Variants in COG7 observed in about 807,000 individuals in gnomAD.
COG7 encodes component of oligomeric golgi complex 7.
In COG7, 49 loss-of-function variants were observed where a neutral mutation model predicts 91.5. That is an observed-to-expected ratio of 0.54 (90% CI 0.43 to 0.68). The LOEUF (loss-of-function observed/expected upper bound fraction) is 0.68. Among genes scored for constraint, COG7 ranks in the 30% least tolerant of loss-of-function variants. COG7 has a pLI of 0.00. For missense variants in COG7, 895 were observed against 961.3 expected (o/e 0.93, Z 0.91); for synonymous variants, 365 against 388.7 (o/e 0.94, Z 0.72).
At chr16:23,426,249 T>C (rs1384077630) in intron 6 of COG7, among the ~76,000 whole-genome samples, 1 of 152,078 alleles carries the variant, frequency 6.6e-6, no homozygotes, top group African/African-American at 2.4e-5. Flanking sequence ...AGAAGAACTG[T>C]AAACCAACAT....
intron 7 of COG7, among the ~76,000 whole-genome samples, chr16:23,423,175 G>A (rs962903354): frequency 5.3e-5 from 8 of 151,778 alleles, no homozygotes; most frequent in Non-Finnish European, 2.9e-5. Flanking sequence ...AGACCAGCCT[G>A]GCCAACATGG....
At chr16:23,410,431 T>A in intron 10 of COG7, 71 bp from the exon 11 acceptor site, 2 of 1,307,916 alleles carry the variant, frequency 1.5e-6, no homozygotes, top group Non-Finnish European at 2.2e-6. Flanking sequence ...AACATTGTCT[T>A]ATTCATAAAA....
In COG7 at chr16:23,418,714, T is replaced by TCATCTGGATGAGGAGGTTGCTC. The variant is rs1567337418; in HGVS notation, c.1101_1122dup (p.Ser375GlufsTer19). ...TGCGACTTTACCAGAGGCACAGCACTCATCTGGATGAGGAGGTTGCTCTCT... is the reference window on the plus strand; with the variant it reads ...TGCGACTTTACCAGAGGCACAGCACTCATCTGGATGAGGAGGTTGCTCCATCTGGATGAGGAGGTTGCTCTCT... On this transcript the variant is annotated frameshift_variant, in exon 8 of 17. Transcript: ENST00000307149. LOFTEE classifies it high-confidence loss of function. The TCATCTGGATGAGGAGGTTGCTC allele has an allele frequency of 6.2e-7, 1 of 1,613,730 alleles. No homozygotes were observed. The highest frequency in any genetic ancestry group is 1.7e-5 in the Admixed American group (1 of 60,004).
At chr16:23,403,189 G>A (rs1437420132) in intron 13 of COG7, among the ~76,000 whole-genome samples, 1 of 152,172 alleles carries the variant, frequency 6.6e-6, no homozygotes, top group Non-Finnish European at 1.5e-5. Context: ...AAAGGAAAGT[G>A]AGTCGATTCT....
chr16:23,406,252 T>G lies in COG7; in HGVS notation c.1486A>C (p.Thr496Pro). ...GAATCAGATAGATACTTCCCAGCTG[T>G]GGACAAAATCCTGTAATGAAAGGAA... The part of the protein sequence containing the change: ...EQQLANRILS[T>P]AGKYLSDSCS... Residue 496 changes from threonine (T) to proline (P), a missense_variant, in exon 12 of 17, where the codon ACA becomes CCA. By Grantham distance (38) the Thr-to-Pro change is conservative. Transcript: ENST00000307149. 1 of 1,614,044 alleles carries G rather than the reference T, an allele frequency of 6.2e-7. No individual in the cohort carries two copies. Among genetic ancestry groups the G allele is most frequent in the South Asian group, 1.1e-5 (1 of 91,076 alleles).
At chr16:23,451,696 G>T (rs1596963224) in intron 1 of COG7, among the ~76,000 whole-genome samples, 2 of 146,866 alleles carry the variant, frequency 1.4e-5, no homozygotes, top group African/African-American at 5.1e-5. Flanking sequence ...TCCAGCTTGG[G>T]CAGCAGAATG....
chr16:23,388,881 G>A lies in COG7; in HGVS notation c.*39C>T. 1 of 1,613,146 alleles carries A rather than the reference G, an allele frequency of 6.2e-7. No individual in the cohort carries two copies. The highest frequency in any genetic ancestry group is 8.5e-7 in the Non-Finnish European group (1 of 1,179,726). ...ATCTGTGCTGGTGAGTCGCGAAACAGCAGCCCTGGCTCTCTTGGTGGTCCG... is the reference window on the plus strand; with the variant it reads ...ATCTGTGCTGGTGAGTCGCGAAACAACAGCCCTGGCTCTCTTGGTGGTCCG... On this transcript the variant is annotated 3_prime_UTR_variant, in exon 17 of 17. Coordinates refer to ENST00000307149, the MANE Select transcript of COG7 (RefSeq NM_153603.4).
rs1963968066 is a variant in COG7, at chr16:23,433,638, C to T, written c.717G>A (p.Leu239=). Reference sequence around the variant, plus strand: ...GGTCCAGGGATAGGTCACTTTGACACAGCTCTTGCCAGGCTGCTAAAAGCT... The same window carrying T: ...GGTCCAGGGATAGGTCACTTTGACATAGCTCTTGCCAGGCTGCTAAAAGCT... ...KVQLLAAWQE[L]CQSDLSLDRQ... The change falls in exon 6 of 17, where the codon CTG becomes CTA. Residue 239 remains leucine (L), a synonymous_variant. Coordinates refer to ENST00000307149, the MANE Select transcript of COG7 (RefSeq NM_153603.4). The T allele has an allele frequency of 1.2e-6, 2 of 1,613,912 alleles. No individual in the cohort carries two copies. Among genetic ancestry groups the T allele is most frequent in the East Asian group, 2.2e-5 (1 of 44,884 alleles).
intron 7 of COG7, among the ~76,000 whole-genome samples, chr16:23,419,911 C>T (rs952271531): frequency 6.6e-6 from 1 of 151,870 alleles, no homozygotes; most frequent in Non-Finnish European, 1.5e-5. Context: ...CCGAGGTGAG[C>T]GGATTTCTTG....
At chr16:23,414,637 G>A (rs1963623439) in intron 9 of COG7, 1 of 152,400 alleles carries the variant, frequency 6.6e-6, no homozygotes, top group Non-Finnish European at 1.5e-5. Flanking sequence ...TCCAGATAAA[G>A]AAATAGCTTG....
chr16:23,448,339 G>A (rs1174225870), intron 1 of COG7, among the ~76,000 whole-genome samples: 1 of 152,076 alleles, frequency 6.6e-6, no homozygotes, highest in Non-Finnish European at 1.5e-5. Context: ...TAATTATCTT[G>A]TCTCACTCTG....
At chr16:23,402,423 C>A (rs1963393299) in intron 13 of COG7, among the ~76,000 whole-genome samples, 1 of 151,320 alleles carries the variant, frequency 6.6e-6, no homozygotes, top group Non-Finnish European at 1.5e-5. Flanking sequence ...TTAAAAAAAT[C>A]AAGTAAGTCA....
At chr16:23,398,230 C>T in intron 13 of COG7, 101 bp from the exon 14 acceptor site, 1 of 941,064 alleles carries the variant, frequency 1.1e-6, no homozygotes, top group South Asian at 1.4e-5. Context: ...TCCCTGGAGG[C>T]ACTGTCTTTG....
chr16:23,413,543 G>A lies in COG7; in HGVS notation c.1314C>T (p.Ser438=). The change falls in exon 10 of 17, where the codon AGC becomes AGT. Residue 438 remains serine (S), a synonymous_variant. Transcript: ENST00000307149. ...LFAKYVSDFT[S]TLQSIRKKCK... ...ACTTCTTTCGTATGGACTGGAGAGTGCTGGTGAAATCAGACACATACCTGC... is the reference window on the plus strand; with the variant it reads ...ACTTCTTTCGTATGGACTGGAGAGTACTGGTGAAATCAGACACATACCTGC... 3 of 1,606,002 alleles carry A rather than the reference G, an allele frequency of 1.9e-6. No homozygotes were observed. The highest frequency in any genetic ancestry group is 2.6e-6 in the Non-Finnish European group (3 of 1,172,644).
intron 6 of COG7, among the ~76,000 whole-genome samples, chr16:23,427,109 G>A (rs1963861289): frequency 2.6e-5 from 4 of 152,100 alleles, no homozygotes; most frequent in Admixed American, 2.6e-4. Context: ...AAATTAGCCA[G>A]GTGTGGTGGT....
chr16:23,439,352 C>T (rs1294752725), intron 4 of COG7, among the ~76,000 whole-genome samples: 1 of 150,486 alleles, frequency 6.6e-6, no homozygotes. Flanking sequence ...CCAGCAATTC[C>T]ACTTCTGAGT....
At chr16:23,402,773 G>A (rs896704583) in intron 13 of COG7, among the ~76,000 whole-genome samples, 43 of 152,306 alleles carry the variant, frequency 2.8e-4, no homozygotes, top group African/African-American at 1.0e-3. Context: ...CAAACTTCAA[G>A]GGTAGAAGGA....
intron 11 of COG7, among the ~76,000 whole-genome samples, chr16:23,408,943 G>C (rs1348376589): frequency 1.3e-5 from 2 of 151,888 alleles, no homozygotes; most frequent in Non-Finnish European, 2.9e-5. Context: ...TTCAAGTCAA[G>C]AACAGCCTGG....
intron 9 of COG7, chr16:23,415,876 C>G (rs1963645074): frequency 1.3e-5 from 2 of 152,184 alleles, no homozygotes; most frequent in South Asian, 4.1e-4. Context: ...GAACCCTGCT[C>G]AAGTTAGCTT....
Sources: gnomAD v4.1 joint callset for allele counts (sites outside exome capture counted in the v4.1 genomes callset) on GRCh38, gnomAD v4.1.1 for gene constraint, MANE v1.5 for transcripts, NCBI Gene and HGNC (gene_info 2026-07-23, HGNC 2026-07-21) for gene names.